Variants in SV2B observed in about 807,000 individuals in gnomAD.
The protein encoded by SV2B is solute carrier family 22 member B2.
Under a neutral mutation model 73.9 loss-of-function variants are expected in SV2B, and 41 were observed. The observed-to-expected ratio is 0.56, with a 90% CI of 0.43 to 0.72. SV2B has a LOEUF of 0.72. Among genes scored for constraint, SV2B ranks in the 30% least tolerant of loss-of-function variants. SV2B has a pLI of 0.00. For synonymous variants in SV2B, 314 were observed against 314.2 expected (o/e 1.00, Z 0.01); for missense variants, 764 against 857.8 (o/e 0.89, Z 1.37).
Position 91,268,353 on chromosome 15 carries a change from T to C in SV2B, c.1209-88T>C, listed in dbSNP as rs2141689194. ...CCAAATTAATGTATTTTCAATGAGT[T>C]TGATCTGCATCAAGTCAAGAGTGTA... On this transcript the variant is annotated intron_variant, in intron 8 of 12. Transcript: ENST00000394232. The surrounding 1 kb of genome is among the most constrained non-coding windows in gnomAD (Gnocchi z 4.4). 1.5e-6 allele frequency: 2 copies of C among 1,302,180 alleles called. No homozygotes were observed. Among genetic ancestry groups the C allele is most frequent in the Non-Finnish European group, 2.1e-6 (2 of 959,796 alleles). The allele number at this position is 1,302,180 out of a possible 1,614,324, so 80.7% of individuals were successfully genotyped here.
chr15:91,156,002 A>T (rs191536304), intron 1 of SV2B, among the ~76,000 whole-genome samples: 30 of 152,146 alleles, frequency 2.0e-4, no homozygotes, highest in South Asian at 1.5e-3. Context: ...TGATGAGCTG[A>T]TATAGAAATA....
chr15:91,257,524 C>T (rs1440051595), intron 4 of SV2B, among the ~76,000 whole-genome samples: 2 of 152,194 alleles, frequency 1.3e-5, no homozygotes, highest in African/African-American at 4.8e-5. Context: ...TAGTTATCTT[C>T]CCATTTCAAT....
intron 1 of SV2B, among the ~76,000 whole-genome samples, chr15:91,193,599 T>C (rs1475346378): frequency 6.6e-6 from 1 of 152,072 alleles, no homozygotes; most frequent in African/African-American, 2.4e-5. Flanking sequence ...TTTGAAGACA[T>C]CCAAGTATGT....
At chr15:91,194,586 T>C (rs1288981627) in intron 1 of SV2B, among the ~76,000 whole-genome samples, 2 of 152,220 alleles carry the variant, frequency 1.3e-5, no homozygotes, top group African/African-American at 2.4e-5. Flanking sequence ...GAATTTCTGA[T>C]AAATTCAGAT....
At chr15:91,120,880 G>T (rs565907840) in intron 1 of SV2B, among the ~76,000 whole-genome samples, 1 of 151,826 alleles carries the variant, frequency 6.6e-6, no homozygotes, top group Admixed American at 6.6e-5. Flanking sequence ...TACAATCTAG[G>T]CTTTGAGTTC....
chr15:91,191,450 C>G (rs1478381115), intron 1 of SV2B, among the ~76,000 whole-genome samples: 3 of 152,082 alleles, frequency 2.0e-5, no homozygotes, highest in Non-Finnish European at 4.4e-5. Flanking sequence ...ACTTGCCTAA[C>G]CTTTAGCAAG....
intron 2 of SV2B, among the ~76,000 whole-genome samples, chr15:91,235,292 G>T (rs920316312): frequency 6.6e-6 from 1 of 152,144 alleles, no homozygotes; most frequent in African/African-American, 2.4e-5. Context: ...TTTATGCAAG[G>T]AAGAAAACCC....
At chr15:91,182,121 G>A (rs1258238099) in intron 1 of SV2B, among the ~76,000 whole-genome samples, 2 of 152,080 alleles carry the variant, frequency 1.3e-5, no homozygotes, top group Non-Finnish European at 2.9e-5. Context: ...AAACATACTA[G>A]CACTTCAAAA....
intron 4 of SV2B, among the ~76,000 whole-genome samples, chr15:91,256,449 G>T (rs2047693106): frequency 6.6e-6 from 1 of 152,142 alleles, no homozygotes. Context: ...GACTGCTTCT[G>T]CCCCTCTTCC....
intron 4 of SV2B, among the ~76,000 whole-genome samples, chr15:91,257,845 T>A (rs1381448700): frequency 6.6e-6 from 1 of 152,102 alleles, no homozygotes; most frequent in Non-Finnish European, 1.5e-5. Flanking sequence ...GGAATTCCCA[T>A]AGACTCAAGA....
intron 1 of SV2B, among the ~76,000 whole-genome samples, chr15:91,138,062 A>T (rs943696043): frequency 7.9e-5 from 12 of 152,210 alleles, no homozygotes; most frequent in African/African-American, 2.9e-4. Flanking sequence ...ACATGAAGAA[A>T]GACAAGATTT....
intron 2 of SV2B, 142 bp downstream of exon 2, chr15:91,226,856 A>G (rs2046400904): frequency 9.5e-7 from 1 of 1,051,476 alleles, no homozygotes. Context: ...AGAGAAATCA[A>G]TTGATTGACT....
chr15:91,115,844 C>A lies in SV2B; in HGVS notation c.-392+15481C>A, dbSNP rs1224103293. 6.6e-6 allele frequency among the ~76,000 whole-genome samples: 1 copy of A among 152,110 alleles called. No homozygotes were observed. The highest frequency in any genetic ancestry group is 2.4e-5 in the African/African-American group (1 of 41,412). On this transcript the variant is annotated intron_variant, in intron 1 of 12. Coordinates refer to ENST00000394232, the MANE Select transcript of SV2B (RefSeq NM_001323032.3). The surrounding 1 kb of genome is among the most constrained non-coding windows in gnomAD (Gnocchi z 4.3). ...TATTTATTCAGCAAATGTTTATTGA[C>A]TTCTCATTGTGTTAGGCATCAGAGT...
At chr15:91,188,538 ATCT>A (rs970045227) in intron 1 of SV2B, among the ~76,000 whole-genome samples, 7 of 152,072 alleles carry the variant, frequency 4.6e-5, no homozygotes, top group African/African-American at 1.7e-4. Flanking sequence ...GATGGTCTCG[ATCT>A]TCTGACCTCG....
chr15:91,278,965 C>T (rs566567139), intron 9 of SV2B, among the ~76,000 whole-genome samples: 11 of 152,100 alleles, frequency 7.2e-5, no homozygotes, highest in South Asian at 2.1e-4. Context: ...CCTTAAATGA[C>T]GATGTAATTT....
chr15:91,183,676 AT>A (rs1411017985), intron 1 of SV2B, among the ~76,000 whole-genome samples: 1 of 152,222 alleles, frequency 6.6e-6, no homozygotes, highest in African/African-American at 2.4e-5. Context: ...TTTGCGATGT[AT>A]TTGCCCAGGC....
chr15:91,256,419 G>T (rs1407906113), intron 4 of SV2B, among the ~76,000 whole-genome samples: 2 of 152,128 alleles, frequency 1.3e-5, no homozygotes, highest in Non-Finnish European at 2.9e-5. Context: ...TCTTTTTGAA[G>T]CAGAATACTT....
chr15:91,131,967 A>T (rs936255486), intron 1 of SV2B, among the ~76,000 whole-genome samples: 1 of 152,198 alleles, frequency 6.6e-6, no homozygotes, highest in Non-Finnish European at 1.5e-5. Context: ...TGTCTCAAAA[A>T]ACAAACAAAT....
intron 1 of SV2B, among the ~76,000 whole-genome samples, chr15:91,217,370 A>G (rs1013161864): frequency 8.5e-5 from 13 of 152,312 alleles, no homozygotes; most frequent in African/African-American, 9.6e-5. Context: ...ATATGATAAT[A>G]GAAATATGTG....
Sources: allele counts gnomAD v4.1 joint callset (sites outside exome capture counted in the v4.1 genomes callset), GRCh38; gene constraint gnomAD v4.1.1; non-coding constraint Gnocchi (gnomAD v3.1); transcripts MANE v1.5; gene names NCBI Gene and HGNC (gene_info 2026-07-23, HGNC 2026-07-21).